Variants in ATG5 observed in about 807,000 individuals in gnomAD.
The protein encoded by ATG5 is autophagy protein 5.
ATG5 carries 14 observed loss-of-function variants against 36.5 expected under a neutral mutation model. The observed-to-expected ratio is 0.38, with a 90% CI of 0.25 to 0.60. ATG5 has a LOEUF of 0.60. ATG5 is among the 20% of genes least tolerant of loss of function. The pLI is 0.60. For synonymous variants in ATG5, 95 were observed against 101.5 expected, an observed-to-expected ratio of 0.94 and a Z score of 0.38; for missense variants, 195 against 326.7, an observed-to-expected ratio of 0.60 and a Z score of 3.11.
At chr6:106,295,126 T>G (rs1316417316) in intron 3 of ATG5, among the ~76,000 whole-genome samples, 1 of 152,056 alleles carries the variant, frequency 6.6e-6, no homozygotes, top group Non-Finnish European at 1.5e-5. Context: ...TTTAATCCAA[T>G]TCTGATCCTT....
intron 5 of ATG5, among the ~76,000 whole-genome samples, chr6:106,266,169 T>C (rs962212519): frequency 8.6e-5 from 13 of 152,008 alleles, no homozygotes; most frequent in African/African-American, 3.1e-4. Context: ...GGGGATATCA[T>C]CACTGATCTC....
chr6:106,292,750 G>A (rs867201003), intron 4 of ATG5, among the ~76,000 whole-genome samples: 7 of 152,122 alleles, frequency 4.6e-5, no homozygotes, highest in East Asian at 1.9e-4. Flanking sequence ...GATTACAGGC[G>A]TGAGCCACCA....
At chr6:106,194,395 C>T (rs1012392788) in intron 7 of ATG5, among the ~76,000 whole-genome samples, 2 of 152,082 alleles carry the variant, frequency 1.3e-5, no homozygotes, top group Non-Finnish European at 2.9e-5. Context: ...ATACGGTCAG[C>T]ATGAGATTTA....
At chr6:106,217,668 T>C (rs1439791144) in intron 6 of ATG5, 1 of 152,248 alleles carries the variant, frequency 6.6e-6, no homozygotes, top group Non-Finnish European at 1.5e-5. Context: ...AATTAGAATC[T>C]GGCATTACAA....
At chr6:106,313,888 A>G (rs1770746099) in intron 2 of ATG5, among the ~76,000 whole-genome samples, 1 of 152,210 alleles carries the variant, frequency 6.6e-6, no homozygotes, top group Non-Finnish European at 1.5e-5. Context: ...GCATGTACAT[A>G]TTTAAATAGC....
chr6:106,226,079 T>C (rs1380878966), intron 6 of ATG5, among the ~76,000 whole-genome samples: 1 of 152,100 alleles, frequency 6.6e-6, no homozygotes, highest in East Asian at 1.9e-4. Flanking sequence ...TAAAATCCAG[T>C]TATAAATTGC....
At chr6:106,302,422 A>G (rs560005527) in intron 3 of ATG5, among the ~76,000 whole-genome samples, 2 of 152,190 alleles carry the variant, frequency 1.3e-5, no homozygotes, top group South Asian at 4.1e-4. Context: ...CTTGAGGACA[A>G]TAACAATGTT....
rs140434811 is a variant in ATG5 at position 106,275,937 on chromosome 6, A to C, written c.478+3724T>G. Among the ~76,000 whole-genome samples, 251 of 152,342 alleles carry C rather than the reference A, an allele frequency of 1.6e-3. 1 individual carries two copies. The highest frequency in any genetic ancestry group is 5.2e-3 in the African/African-American group (218 of 41,576). On this transcript the variant is annotated intron_variant, in intron 5 of 7. Coordinates refer to ENST00000369076, the MANE Select transcript of ATG5 (RefSeq NM_004849.4). Reference sequence around the variant, plus strand: ...CGAAAGTAGCCAACGACAATACATAAGTGAATGAGTGTGGCCGGGTTCCAG... The same window carrying C: ...CGAAAGTAGCCAACGACAATACATACGTGAATGAGTGTGGCCGGGTTCCAG...
rs76979498 is a variant in ATG5, at chr6:106,288,567, G to T, written c.315+4461C>A. Among the ~76,000 whole-genome samples, 446 of 152,186 alleles carry T rather than the reference G, an allele frequency of 2.9e-3. 2 individuals carry two copies. The highest frequency in any genetic ancestry group is 0.01 in the African/African-American group (417 of 41,522). On this transcript the variant is annotated intron_variant, in intron 4 of 7. Coordinates refer to ENST00000369076, the MANE Select transcript of ATG5 (RefSeq NM_004849.4). ...TCTGATTCACCCTTAAAAGCTTTTGGTTCTACAGACAATTACCATTAACTT... is the reference window on the plus strand; with the variant it reads ...TCTGATTCACCCTTAAAAGCTTTTGTTTCTACAGACAATTACCATTAACTT...
chr6:106,309,911 A>T (rs1040461245), intron 2 of ATG5, among the ~76,000 whole-genome samples: 1 of 152,148 alleles, frequency 6.6e-6, no homozygotes, highest in Admixed American at 6.5e-5. Flanking sequence ...AACAATATTA[A>T]CTTATGGAGA....
chr6:106,290,756 G>A (rs1314897683), intron 4 of ATG5, among the ~76,000 whole-genome samples: 1 of 152,130 alleles, frequency 6.6e-6, no homozygotes, highest in Non-Finnish European at 1.5e-5. Flanking sequence ...ATCAAGCACT[G>A]GTCATCTGGA....
chr6:106,191,783 A>T (rs1775974158), intron 7 of ATG5, among the ~76,000 whole-genome samples: 1 of 152,138 alleles, frequency 6.6e-6, no homozygotes, highest in African/African-American at 2.4e-5. Context: ...AGATCATTTT[A>T]AAAAGGTCAT....
intron 3 of ATG5, among the ~76,000 whole-genome samples, chr6:106,301,831 A>C (rs1361957432): frequency 1.3e-5 from 2 of 152,036 alleles, no homozygotes; most frequent in African/African-American, 4.8e-5. Flanking sequence ...ATATTAACTC[A>C]CTTAATTCTT....
At chr6:106,270,343 C>T (rs1023779726) in intron 5 of ATG5, among the ~76,000 whole-genome samples, 1 of 152,168 alleles carries the variant, frequency 6.6e-6, no homozygotes, top group African/African-American at 2.4e-5. Context: ...AAGCAACTTT[C>T]TCACGAAGTT....
rs11442463 is a variant in ATG5 at position 106,221,685 on chromosome 6, C to CAAA, written c.574-19599_574-19597dup. Among the ~76,000 whole-genome samples, 31 of 70,960 alleles carry CAAA rather than the reference C, an allele frequency of 4.4e-4. No individual in the cohort carries two copies. In the East Asian group the frequency reaches 8.4e-3, roughly 19 times the overall value. The allele number at this position is 70,960 out of a possible 152,430, so 46.6% of individuals were successfully genotyped here. ...TGGGTGACAGAGTGAGACCCTGTCTCAAAAAAAAAAAAAAAAAGAAAGAAA... is the reference window on the plus strand; with the variant it reads ...TGGGTGACAGAGTGAGACCCTGTCTCAAAAAAAAAAAAAAAAAAAAGAAAGAAA... On this transcript the variant is annotated intron_variant, in intron 6 of 7. Transcript: ENST00000369076.
At chr6:106,302,161 A>G (rs1770237858) in intron 3 of ATG5, among the ~76,000 whole-genome samples, 1 of 152,124 alleles carries the variant, frequency 6.6e-6, no homozygotes, top group Non-Finnish European at 1.5e-5. Context: ...TATGAGCTAC[A>G]GGAGGGAATA....
chr6:106,196,451 C>T (rs1776192599), intron 7 of ATG5, among the ~76,000 whole-genome samples: 1 of 152,112 alleles, frequency 6.6e-6, no homozygotes, highest in African/African-American at 2.4e-5. Context: ...ACGTTTGGCA[C>T]AATCATGCAA....
Position 106,201,053 on chromosome 6 carries a change from G to A in ATG5, c.691+919C>T, listed in dbSNP as rs145524494. Among the ~76,000 whole-genome samples, 451 of 152,156 alleles carry A rather than the reference G, an allele frequency of 3.0e-3. 2 individuals are homozygous for A. Among genetic ancestry groups the A allele is most frequent in the African/African-American group, 0.01 (416 of 41,480 alleles). On this transcript the variant is annotated intron_variant, in intron 7 of 7. Coordinates refer to ENST00000369076, the MANE Select transcript of ATG5 (RefSeq NM_004849.4). ...TAAATCATTCATCTCTAGATTACTT[G>A]TAATATTTAATGCAATGTAAATCTA...
intron 5 of ATG5, among the ~76,000 whole-genome samples, chr6:106,262,624 G>A (rs549459233): frequency 2.6e-5 from 4 of 152,018 alleles, no homozygotes; most frequent in Admixed American, 6.6e-5. Flanking sequence ...CACAGAAGGC[G>A]GCAGGTGATT....
Sources: allele counts gnomAD v4.1 joint callset (sites outside exome capture counted in the v4.1 genomes callset), GRCh38; gene constraint gnomAD v4.1.1; transcripts MANE v1.5; gene names NCBI Gene and HGNC (gene_info 2026-07-23, HGNC 2026-07-21).